MZF1: variants seen among roughly 807,000 people sequenced by gnomAD.
MZF1 encodes the protein myeloid zinc finger 1, also known as zinc finger and SCAN domain-containing protein 6.
In MZF1, 24 loss-of-function variants were observed where a neutral mutation model predicts 28.6. That is an observed-to-expected ratio of 0.84 (90% CI 0.61 to 1.18). MZF1 has a LOEUF of 1.18. Among genes scored for constraint, MZF1 ranks in the 50% most tolerant of loss-of-function variants. The probability of loss-of-function intolerance (pLI) is 0.00; values close to 1 mark genes in which losing one functional copy is unlikely to be tolerated. For missense variants in MZF1, 1,166 were observed against 1,026.4 expected, an observed-to-expected ratio of 1.14 and a Z score of -1.86; for synonymous variants, 516 against 432.5, an observed-to-expected ratio of 1.19 and a Z score of -2.40.
At position 58,563,551 on chromosome 19, in the gene MZF1, GCCGGGACCCACTTCATC is replaced by G. The variant is rs2053981352; in HGVS notation, c.773-64_773-48del. ...TCATTCATGACAGAATGCCCACCGT[GCCGGGACCCACTTCATC>G]CCTGGGGACACAGTGTGAACTACAG... On this transcript the variant is annotated intron_variant, in intron 5 of 5. Transcript: ENST00000215057. The G allele has an allele frequency of 2.1e-6, 3 of 1,438,328 alleles. No individual in the cohort carries two copies. In the African/African-American group the frequency reaches 4.3e-5, roughly 20 times the overall value. 89.1% of individuals were successfully genotyped at this position (1,438,328 alleles called of 1,614,324 possible). A position where few individuals can be genotyped will look rare whatever the true frequency, so the allele number is the denominator to read the frequency against.
At position 58,569,592 on chromosome 19, in the gene MZF1, G is replaced by A. The variant is rs1384410040; in HGVS notation, c.581-6C>T. On this transcript the variant is annotated splice_polypyrimidine_tract_variant and splice_region_variant and intron_variant, in intron 3 of 5. Transcript: ENST00000215057. ...AGGCCCAGACTCCAGGAAATCTAGA[G>A]AGGAAAACTGGTATCAGGCAGCCTG... 1.3e-6 allele frequency: 2 copies of A among 1,595,856 alleles called. No homozygotes were observed. The highest frequency in any genetic ancestry group is 1.7e-4 in the Middle Eastern group (1 of 5,960).
At chr19:58,567,584 T>C (rs1248166538) in intron 5 of MZF1, among the ~76,000 whole-genome samples, 1 of 152,048 alleles carries the variant, frequency 6.6e-6, no homozygotes, top group African/African-American at 2.4e-5. Flanking sequence ...GGAGGAAGAG[T>C]GCCCCCAAAA....
At chr19:58,570,238 C>T (rs1465841015) in intron 3 of MZF1, 106 bp downstream of exon 3, 1 of 1,236,198 alleles carries the variant, frequency 8.1e-7, no homozygotes, top group African/African-American at 1.5e-5. Context: ...GGAAACCATT[C>T]CATTTATAAC....
rs777121687 is a variant in MZF1 at position 58,563,351 on chromosome 19, CT to C, written c.925del (p.Ser309AlafsTer3). 14 of 1,608,450 alleles carry C rather than the reference CT, an allele frequency of 8.7e-6. No homozygotes were observed. Among genetic ancestry groups the C allele is most frequent in the Middle Eastern group, 3.3e-4 (2 of 6,074 alleles). On this transcript the variant is annotated frameshift_variant, in exon 6 of 6. Transcript: ENST00000215057. LOFTEE classifies it low-confidence loss of function (END_TRUNC). ...GGFAHALLLP[S>X]DLRSEQDPTD... The stretch of plus-strand genomic sequence containing the variant: ...GGGGTCCTGTTCACTCCTCAGATCG[CT>C]GGGGAGCAGAAGCGCATGCGCAAAG...
chr19:58,568,957 C>G, intron 5 of MZF1: 1 of 252,356 alleles, frequency 4.0e-6, no homozygotes, highest in Non-Finnish European at 7.7e-6. Flanking sequence ...AGGATGCAAG[C>G]CCAGGAGGCC....
chr19:58,571,039 G>A lies in MZF1; in HGVS notation c.351C>T (p.Ala117=), dbSNP rs766717727. 1 of 1,612,836 alleles carries A rather than the reference G, an allele frequency of 6.2e-7. No individual in the cohort carries two copies. Among genetic ancestry groups the A allele is most frequent in the African/African-American group, 1.3e-5 (1 of 75,046 alleles). Residue 117 remains alanine (A), a synonymous_variant, in exon 2 of 6, where the codon GCC becomes GCT. Coordinates refer to ENST00000215057, the MANE Select transcript of MZF1 (RefSeq NM_198055.2). ...QRPGSPEEAA[A]LVDGLRREPG... is the part of the protein sequence containing the mutation. ...GCTCCCGGCGCAGCCCATCTACTAG[G>A]GCAGCAGCCTCCTCGGGGCTGCCTG...
Position 58,571,534 on chromosome 19 carries a change from G to A in MZF1, c.-40-105C>T, listed in dbSNP as rs2054163877. The stretch of plus-strand genomic sequence containing the variant: ...ATCCTCAGACCTACCCCATGTGGAA[G>A]GCAGATGAGGAAACAGGCAAAGAAA... On this transcript the variant is annotated intron_variant, in intron 1 of 5. Coordinates refer to ENST00000215057, the MANE Select transcript of MZF1 (RefSeq NM_198055.2). 4 of 1,079,924 alleles carry A rather than the reference G, an allele frequency of 3.7e-6. No individual in the cohort carries two copies. The South Asian group carries it at 5.0e-5, about 14-fold the overall frequency. 66.9% of individuals were successfully genotyped at this position (1,079,924 alleles called of 1,614,324 possible). A position where few individuals can be genotyped will look rare whatever the true frequency, so the allele number is the denominator to read the frequency against.
At chr19:58,564,902 G>GTGTTTTTTTTTTT (rs1568680296) in intron 5 of MZF1, among the ~76,000 whole-genome samples, 1 of 41,996 alleles carries the variant, frequency 2.4e-5, no homozygotes, top group Non-Finnish European at 4.9e-5. Flanking sequence ...CCATGTGTGT[G>GTGTTTTTTTTTTT]TTTTTTTTTT....
At position 58,562,810 on chromosome 19, in the gene MZF1, C is replaced by G. The variant is rs1227036960; in HGVS notation, c.1467G>C (p.Glu489Asp). 2.0e-6 allele frequency: 3 copies of G among 1,534,794 alleles called. No homozygotes were observed. Among genetic ancestry groups the G allele is most frequent in the East Asian group, 2.4e-5 (1 of 40,900 alleles). Residue 489 changes from glutamate (E) to aspartate (D), a missense_variant, in exon 6 of 6, where the codon GAG (glutamate) becomes GAC (aspartate). Glu to Asp is a conservative substitution (Grantham distance 45). Transcript: ENST00000215057. The part of the protein sequence containing the change: ...PEPPGPFPCS[E>D]CRESFARRAV... The stretch of plus-strand genomic sequence containing the variant: ...CGCGCCGCGCGAAGCTCTCGCGGCA[C>G]TCGCTGCACGGAAAGGGGCCGGGAG...
intron 5 of MZF1, 36 bp from the exon 6 acceptor site, chr19:58,563,540 A>C (rs2053980913): frequency 6.8e-7 from 1 of 1,468,888 alleles, no homozygotes. Context: ...TCATGACAGA[A>C]TGCCCACCGT....
Position 58,563,099 on chromosome 19 carries a change from A to G in MZF1, c.1178T>C (p.Phe393Ser). 1 of 1,605,320 alleles carries G rather than the reference A, an allele frequency of 6.2e-7. No individual in the cohort carries two copies. Among genetic ancestry groups the G allele is most frequent in the Non-Finnish European group, 8.5e-7 (1 of 1,179,254 alleles). ...GCGCAGCAGGTGCGAGCTGCGGCTG[A>G]AGCTGCGGCCGCACTCGCTGCACAC... ...PFVCSECGRS[F>S]SRSSHLLRHQ... is the part of the protein sequence containing the mutation. The change falls in exon 6 of 6, where the codon TTC (phenylalanine) becomes TCC (serine). Residue 393 changes from phenylalanine (F) to serine (S), a missense_variant. Coordinates refer to ENST00000215057, the MANE Select transcript of MZF1 (RefSeq NM_198055.2).
intron 5 of MZF1, 57 bp downstream of exon 5, chr19:58,569,220 C>T (rs759830524): frequency 1.3e-6 from 2 of 1,515,644 alleles, no homozygotes; most frequent in Non-Finnish European, 1.8e-6. Flanking sequence ...GTGGGGTCGG[C>T]AGAGATGGTG....
rs142511859 is a variant in MZF1, at chr19:58,566,296, A to G, written c.773-2792T>C. Reference sequence around the variant, plus strand: ...ACCCCGTCTCTACTAAAAAAATACAAAATTAGCTGGGCGTGGTGGAGCATG... The same window carrying G: ...ACCCCGTCTCTACTAAAAAAATACAGAATTAGCTGGGCGTGGTGGAGCATG... On this transcript the variant is annotated intron_variant, in intron 5 of 5. Coordinates refer to ENST00000215057, the MANE Select transcript of MZF1 (RefSeq NM_198055.2). Among the ~76,000 whole-genome samples, 823 of 151,048 alleles carry G rather than the reference A, an allele frequency of 5.4e-3. 6 individuals carry two copies. Among genetic ancestry groups the G allele is most frequent in the Middle Eastern group, 0.014 (4 of 290 alleles).
chr19:58,572,686 T>C, intron 1 of MZF1: 1 of 1,219,306 alleles, frequency 8.2e-7, no homozygotes, highest in Non-Finnish European at 1.1e-6. Flanking sequence ...GGGCCAAGCC[T>C]CCACTCTTCA....
At chr19:58,563,647 A>G in intron 5 of MZF1, 143 bp from the exon 6 acceptor site, 3 of 643,014 alleles carry the variant, frequency 4.7e-6, no homozygotes, top group Non-Finnish European at 7.9e-6. Flanking sequence ...AGGGGTAGGG[A>G]TTCTATCTGT....
intron 5 of MZF1, chr19:58,564,661 G>C (rs1600099718): frequency 6.6e-6 from 1 of 152,248 alleles, no homozygotes; most frequent in African/African-American, 2.4e-5. Flanking sequence ...CATCAAAACA[G>C]CAAATGTCCC....
At chr19:58,565,127 CTT>C (rs752493684) in intron 5 of MZF1, among the ~76,000 whole-genome samples, 81 of 147,060 alleles carry the variant, frequency 5.5e-4, no homozygotes, top group South Asian at 1.1e-3. Flanking sequence ...TAGTTTTGCT[CTT>C]GTTGCCCAGG....
chr19:58,572,690 C>A, intron 1 of MZF1: 1 of 1,201,066 alleles, frequency 8.3e-7, no homozygotes, highest in Non-Finnish European at 1.1e-6. Context: ...CAAGCCTCCA[C>A]TCTTCAAGGT....
chr19:58,571,335 G>A lies in MZF1; in HGVS notation c.55C>T (p.Pro19Ser). The A allele has an allele frequency of 6.2e-7, 1 of 1,614,170 alleles. No individual in the cohort carries two copies. The highest frequency in any genetic ancestry group is 8.5e-7 in the Non-Finnish European group (1 of 1,180,022). ...PDRAPPEDEG[P>S]VMVKLEDSEE... ...GAGTCCTCTAGCTTCACCATGACAGGCCCCTCATCTTCTGGGGGTGCTCGG... is the reference window on the plus strand; with the variant it reads ...GAGTCCTCTAGCTTCACCATGACAGACCCCTCATCTTCTGGGGGTGCTCGG... Residue 19 changes from proline (P) to serine (S), a missense_variant, in exon 2 of 6, where the codon CCT (proline) becomes TCT (serine). Transcript: ENST00000215057.
Sources: allele counts gnomAD v4.1 joint callset (sites outside exome capture counted in the v4.1 genomes callset), GRCh38; gene constraint gnomAD v4.1.1; transcripts MANE v1.5; gene names NCBI Gene and HGNC (gene_info 2026-07-23, HGNC 2026-07-21).